The following TMTC2 variants were observed in gnomAD, a reference collection of about 807,000 sequenced individuals.
TMTC2 encodes transmembrane O-mannosyltransferase targeting cadherins 2, also known as protein O-mannosyl-transferase TMTC2.
In TMTC2, 43 loss-of-function variants were observed where a neutral mutation model predicts 82.4. That is an observed-to-expected ratio of 0.52 (90% CI 0.41 to 0.67). The LOEUF is 0.67. Among genes scored for constraint, TMTC2 ranks in the 30% least tolerant of loss-of-function variants. The pLI is 0.00. For missense variants in TMTC2, 919 were observed against 1,012.4 expected, an observed-to-expected ratio of 0.91 and a Z score of 1.25; for synonymous variants, 408 against 381.9, an observed-to-expected ratio of 1.07 and a Z score of -0.80.
chr12:82,925,628 A>G (rs974696054), intron 3 of TMTC2, among the ~76,000 whole-genome samples: 7 of 152,154 alleles, frequency 4.6e-5, no homozygotes, highest in African/African-American at 1.7e-4. Context: ...AATTCTCACA[A>G]TATATTAATT....
intron 1 of TMTC2, among the ~76,000 whole-genome samples, chr12:82,796,109 C>G (rs1400885740): frequency 6.6e-6 from 1 of 152,028 alleles, no homozygotes; most frequent in Non-Finnish European, 1.5e-5. Context: ...TGAGCGGCCT[C>G]CCATGGGCCT....
At chr12:82,969,244 C>T (rs1388295226) in intron 7 of TMTC2, among the ~76,000 whole-genome samples, 1 of 152,084 alleles carries the variant, frequency 6.6e-6, no homozygotes, top group Non-Finnish European at 1.5e-5. Flanking sequence ...TTTTCTAATT[C>T]ACACATTTAC....
intron 11 of TMTC2, among the ~76,000 whole-genome samples, chr12:83,108,101 G>T (rs935687257): frequency 1.3e-5 from 2 of 152,114 alleles, no homozygotes; most frequent in East Asian, 1.9e-4. Context: ...CTCCCCAGCC[G>T]TGCTTTTTAT....
At chr12:82,734,172 T>C (rs1874970867) in intron 1 of TMTC2, among the ~76,000 whole-genome samples, 1 of 152,230 alleles carries the variant, frequency 6.6e-6, no homozygotes, top group African/African-American at 2.4e-5. Context: ...GATGAGGTTA[T>C]ACGTAGGTTG....
chr12:82,796,437 C>T (rs977880244), intron 1 of TMTC2, among the ~76,000 whole-genome samples: 1 of 152,122 alleles, frequency 6.6e-6, no homozygotes, highest in Non-Finnish European at 1.5e-5. Flanking sequence ...GTGGCATTTA[C>T]TCCAAAACAA....
chr12:82,940,537 T>C (rs1876660233), intron 4 of TMTC2, among the ~76,000 whole-genome samples: 1 of 152,128 alleles, frequency 6.6e-6, no homozygotes, highest in Admixed American at 6.5e-5. Flanking sequence ...AATTTTTTGC[T>C]GTTGTTTCTG....
intron 1 of TMTC2, among the ~76,000 whole-genome samples, chr12:82,771,399 G>T (rs781634977): frequency 1.3e-5 from 2 of 152,026 alleles, no homozygotes; most frequent in Non-Finnish European, 2.9e-5. Flanking sequence ...ATAATCACCT[G>T]AGATTCTGAC....
At chr12:82,949,959 A>G (rs1877257251) in intron 4 of TMTC2, among the ~76,000 whole-genome samples, 2 of 152,190 alleles carry the variant, frequency 1.3e-5, no homozygotes, top group African/African-American at 4.8e-5. Context: ...TCACGATGCA[A>G]ATTCAAGATG....
chr12:82,963,224 G>T (rs575677192), intron 4 of TMTC2, among the ~76,000 whole-genome samples: 1 of 152,110 alleles, frequency 6.6e-6, no homozygotes, highest in South Asian at 2.1e-4. Flanking sequence ...ATACAAGAAT[G>T]AATACAGGTT....
chr12:82,845,681 T>C (rs1165914707), intron 1 of TMTC2, among the ~76,000 whole-genome samples: 2 of 152,104 alleles, frequency 1.3e-5, no homozygotes, highest in African/African-American at 4.8e-5. Flanking sequence ...GTGCAAAATA[T>C]TTATACTGTT....
intron 3 of TMTC2, among the ~76,000 whole-genome samples, chr12:82,921,404 TGAG>T (rs1437903341): frequency 6.6e-6 from 1 of 152,196 alleles, no homozygotes; most frequent in African/African-American, 2.4e-5. Flanking sequence ...TTAAATGAAT[TGAG>T]GAGACTACCA....
intron 2 of TMTC2, among the ~76,000 whole-genome samples, chr12:82,875,895 C>T (rs115128441): frequency 2.1e-4 from 25 of 120,882 alleles, no homozygotes; most frequent in African/African-American, 3.8e-4. Context: ...GGAGAGCTCA[C>T]GCTTAAAAAA....
chr12:82,763,104 T>C (rs1447031913), intron 1 of TMTC2, among the ~76,000 whole-genome samples: 3 of 151,944 alleles, frequency 2.0e-5, no homozygotes, highest in Non-Finnish European at 4.4e-5. Flanking sequence ...CCAAGTAATA[T>C]TGAGACACAA....
chr12:82,875,203 T>C (rs1329767333), intron 2 of TMTC2, among the ~76,000 whole-genome samples: 1 of 152,200 alleles, frequency 6.6e-6, no homozygotes, highest in Non-Finnish European at 1.5e-5. Flanking sequence ...AAAGAGATTA[T>C]GTTTAGGGCA....
chr12:83,017,318 C>T (rs767672283), intron 8 of TMTC2, among the ~76,000 whole-genome samples: 2 of 152,058 alleles, frequency 1.3e-5, no homozygotes, highest in Non-Finnish European at 2.9e-5. Flanking sequence ...GACTTTTGTC[C>T]AAACCAGGAA....
intron 3 of TMTC2, among the ~76,000 whole-genome samples, chr12:82,909,655 A>G (rs954222385): frequency 5.9e-5 from 9 of 151,922 alleles, no homozygotes; most frequent in African/African-American, 2.2e-4. Context: ...AAGTTTTTAG[A>G]CTTCAGGTTT....
At chr12:83,009,422 A>G (rs1056349168) in intron 8 of TMTC2, among the ~76,000 whole-genome samples, 1 of 152,114 alleles carries the variant, frequency 6.6e-6, no homozygotes, top group East Asian at 1.9e-4. Context: ...AAGTGTGCCT[A>G]TGAGATTTTT....
chr12:82,760,326 A>G (rs1592499042), intron 1 of TMTC2: 1 of 152,106 alleles, frequency 6.6e-6, no homozygotes, highest in Admixed American at 6.5e-5. Context: ...CTTTCTGTTT[A>G]TACTCAGTGT....
At chr12:83,114,761 CTT>C (rs760548234) in intron 11 of TMTC2, among the ~76,000 whole-genome samples, 1 of 152,018 alleles carries the variant, frequency 6.6e-6, no homozygotes, top group African/African-American at 2.4e-5. Flanking sequence ...TCTGTTGAGT[CTT>C]TACCCCAGTA....
Sources: gnomAD v4.1 joint callset for allele counts (sites outside exome capture counted in the v4.1 genomes callset) on GRCh38, gnomAD v4.1.1 for gene constraint, MANE v1.5 for transcripts, NCBI Gene and HGNC (gene_info 2026-07-23, HGNC 2026-07-21) for gene names.